Variants in SAP130 observed in about 807,000 individuals in gnomAD.
SAP130 encodes the protein Sin3A associated protein 130, also known as histone deacetylase complex subunit SAP130.
Under a neutral mutation model 103.2 loss-of-function variants are expected in SAP130, and 16 were observed. The observed-to-expected ratio is 0.16, with a 90% CI of 0.10 to 0.24. The LOEUF (loss-of-function observed/expected upper bound fraction) is 0.24, where lower values mean the gene tolerates loss of function less well. Ranked by LOEUF, SAP130 falls within the 10% of genes least tolerant of loss-of-function variation. SAP130 has a pLI of 1.00. For missense variants in SAP130, 990 were observed against 1,359.7 expected (o/e 0.73, Z 4.28); for synonymous variants, 477 against 497.0 (o/e 0.96, Z 0.53).
chr2:127,964,063 G>A (rs1342554236), intron 15 of SAP130, among the ~76,000 whole-genome samples: 4 of 152,206 alleles, frequency 2.6e-5, no homozygotes, highest in African/African-American at 9.7e-5. Context: ...TGAGCATAGT[G>A]GTATGTGCCT....
In SAP130 at chr2:128,000,086, T is replaced by G; in HGVS notation, c.1078A>C (p.Thr360Pro). The change falls in exon 9 of 21, where the codon ACC becomes CCC. Residue 360 changes from threonine to proline, a missense_variant. Coordinates refer to ENST00000643581, the MANE Select transcript of SAP130 (RefSeq NM_001330301.2). ...GTGGTCGCTGAAGGAATGGTGTTGGTTGCCAAAATAGGTGCTACTGTGGCT... is the reference window on the plus strand; with the variant it reads ...GTGGTCGCTGAAGGAATGGTGTTGGGTGCCAAAATAGGTGCTACTGTGGCT... ...AAATVAPILATNTIPSATTAG... is the reference protein window; with the variant it reads ...AAATVAPILAPNTIPSATTAG... 1 of 1,614,198 alleles carries G rather than the reference T, an allele frequency of 6.2e-7. No individual in the cohort carries two copies. The highest frequency in any genetic ancestry group is 8.5e-7 in the Non-Finnish European group (1 of 1,180,034).
chr2:128,022,856 A>C (rs980746419), intron 2 of SAP130, among the ~76,000 whole-genome samples: 1 of 151,408 alleles, frequency 6.6e-6, no homozygotes, highest in Non-Finnish European at 1.5e-5. Context: ...TGGAGACAAG[A>C]TCTCACTCCG....
intron 7 of SAP130, among the ~76,000 whole-genome samples, chr2:128,007,410 G>A (rs1210285333): frequency 6.6e-6 from 1 of 152,170 alleles, no homozygotes; most frequent in African/African-American, 2.4e-5. Context: ...GAACTTGAGC[G>A]TCCTTGGATT....
intron 13 of SAP130, among the ~76,000 whole-genome samples, chr2:127,988,429 T>TAAA (rs11380500): frequency 1.6e-4 from 20 of 126,280 alleles, no homozygotes; most frequent in East Asian, 4.5e-4. Context: ...CTTGTCTTTT[T>TAAA]AAAAAAAAAA....
chr2:128,000,573 T>C, intron 7 of SAP130, 119 bp from the exon 8 acceptor site: 1 of 1,165,656 alleles, frequency 8.6e-7, no homozygotes, highest in Non-Finnish European at 1.2e-6. Flanking sequence ...AAACCAATAC[T>C]TGGTCTTTAA....
intron 2 of SAP130, among the ~76,000 whole-genome samples, chr2:128,018,541 T>C (rs1684941954): frequency 6.9e-6 from 1 of 145,396 alleles, no homozygotes; most frequent in Non-Finnish European, 1.5e-5. Context: ...CCTGCAATCC[T>C]AGCATTTTGA....
At chr2:128,011,449 T>C (rs1684390399) in intron 6 of SAP130, among the ~76,000 whole-genome samples, 2 of 152,146 alleles carry the variant, frequency 1.3e-5, no homozygotes, top group Non-Finnish European at 2.9e-5. Flanking sequence ...GCTCTGCCCA[T>C]TCCTCATCCT....
In SAP130 at chr2:127,989,929, G is replaced by C. The variant is rs1324926945; in HGVS notation, c.1478-63C>G. On this transcript the variant is annotated intron_variant, in intron 12 of 20. Coordinates refer to ENST00000643581, the MANE Select transcript of SAP130 (RefSeq NM_001330301.2). This position sits in a 1 kb window ranked among gnomAD's most constrained non-coding sequence, Gnocchi z 4.6. ...CTTCATTTCACACAGTCCACATAAA[G>C]AGAGAAACACTAAAAACGGATTTCC... The C allele has an allele frequency of 1.4e-6, 2 of 1,463,840 alleles. No homozygotes were observed. The allele number at this position is 1,463,840 out of a possible 1,614,324, so 90.7% of individuals were successfully genotyped here. A position where few individuals can be genotyped will look rare whatever the true frequency, so the allele number is the denominator to read the frequency against.
chr2:127,951,047 T>C (rs972326845), intron 16 of SAP130, among the ~76,000 whole-genome samples: 1 of 152,234 alleles, frequency 6.6e-6, no homozygotes, highest in Non-Finnish European at 1.5e-5. Flanking sequence ...TAACTCATTA[T>C]CGTAAAAATC....
chr2:127,961,894 T>TTTG (rs781682980), intron 15 of SAP130, among the ~76,000 whole-genome samples: 2 of 152,116 alleles, frequency 1.3e-5, no homozygotes, highest in East Asian at 3.9e-4. Flanking sequence ...TGCTGACTGT[T>TTTG]CAGGAGAGCT....
At chr2:128,016,948 A>G (rs1024222049) in intron 3 of SAP130, among the ~76,000 whole-genome samples, 1 of 152,202 alleles carries the variant, frequency 6.6e-6, no homozygotes, top group Non-Finnish European at 1.5e-5. Context: ...GAAACCCCCA[A>G]ATTAACCAGT....
chr2:128,005,539 C>G (rs1195783755), intron 7 of SAP130, among the ~76,000 whole-genome samples: 2 of 151,656 alleles, frequency 1.3e-5, no homozygotes, highest in African/African-American at 4.8e-5. Context: ...GGCTTGAACC[C>G]GGGGGGTGGA....
At chr2:127,971,355 G>A (rs1441566206) in intron 15 of SAP130, among the ~76,000 whole-genome samples, 22 of 147,832 alleles carry the variant, frequency 1.5e-4, no homozygotes, top group Non-Finnish European at 2.4e-4. Context: ...GTGCAATCTC[G>A]GCTCACTGCA....
chr2:127,969,838 T>C (rs147624395), intron 15 of SAP130, among the ~76,000 whole-genome samples: 1 of 152,316 alleles, frequency 6.6e-6, no homozygotes, highest in Non-Finnish European at 1.5e-5. Flanking sequence ...CTCATGCCTG[T>C]AATCCCAGCA....
chr2:128,002,840 C>T (rs1415282341), intron 7 of SAP130, among the ~76,000 whole-genome samples: 1 of 150,636 alleles, frequency 6.6e-6, no homozygotes, highest in Admixed American at 6.6e-5. Context: ...AAACTTGGGC[C>T]AGGCCTGGTA....
At position 127,989,463 on chromosome 2, in the gene SAP130, A is replaced by G. The variant is rs922013120; in HGVS notation, c.1780+101T>C. Reference sequence around the variant, plus strand: ...TATTAATACAAAGAAGAAAAGGCCTAGAGAAATTATAAGACGACAAAGCCA... The same window carrying G: ...TATTAATACAAAGAAGAAAAGGCCTGGAGAAATTATAAGACGACAAAGCCA... On this transcript the variant is annotated intron_variant, in intron 13 of 20. Transcript: ENST00000643581. This position sits in a 1 kb window ranked among gnomAD's most constrained non-coding sequence, Gnocchi z 4.6. The G allele has an allele frequency of 3.7e-6, 4 of 1,072,758 alleles. No individual in the cohort carries two copies. The highest frequency in any genetic ancestry group is 5.3e-6 in the Non-Finnish European group (4 of 748,158). 66.5% of individuals were successfully genotyped at this position (1,072,758 alleles called of 1,614,324 possible). A position where few individuals can be genotyped will look rare whatever the true frequency, so the allele number is the denominator to read the frequency against.
Position 128,016,556 on chromosome 2 carries a change from A to C in SAP130, c.349-9T>G. On this transcript the variant is annotated splice_polypyrimidine_tract_variant and intron_variant, in intron 3 of 20. Coordinates refer to ENST00000643581, the MANE Select transcript of SAP130 (RefSeq NM_001330301.2). Reference sequence around the variant, plus strand: ...GTGGGCTTCGGGGGCGGCTGCAAACAGAAAACCACACAAAACATATCAATG... The same window carrying C: ...GTGGGCTTCGGGGGCGGCTGCAAACCGAAAACCACACAAAACATATCAATG... 1.9e-6 allele frequency: 3 copies of C among 1,607,866 alleles called. No individual in the cohort carries two copies. In the Middle Eastern group the frequency reaches 5.0e-4, roughly 267 times the overall value.
chr2:128,025,836 A>C (rs1685464617), intron 2 of SAP130, among the ~76,000 whole-genome samples: 1 of 152,206 alleles, frequency 6.6e-6, no homozygotes, highest in South Asian at 2.1e-4. Flanking sequence ...CTAGATAATA[A>C]ACCCCTAAAA....
intron 7 of SAP130, among the ~76,000 whole-genome samples, chr2:128,005,527 A>G (rs1399502293): frequency 1.3e-5 from 2 of 151,984 alleles, no homozygotes; most frequent in Non-Finnish European, 2.9e-5. Context: ...AGGCAAGAGA[A>G]TGGCTTGAAC....
Sources: gnomAD v4.1 joint callset for allele counts (sites outside exome capture counted in the v4.1 genomes callset) on GRCh38, gnomAD v4.1.1 for gene constraint, Gnocchi (gnomAD v3.1) non-coding constraint, MANE v1.5 for transcripts, NCBI Gene and HGNC (gene_info 2026-07-23, HGNC 2026-07-21) for gene names.